Variants in ANKS1B observed in about 807,000 individuals in gnomAD.
ANKS1B encodes the protein ankyrin repeat and sterile alpha motif domain-containing protein 1B.
Under a neutral mutation model 148.3 loss-of-function variants are expected in ANKS1B, and 36 were observed. That is an observed-to-expected ratio of 0.24 (90% CI 0.19 to 0.32). The LOEUF (loss-of-function observed/expected upper bound fraction) is 0.32. ANKS1B is among the 10% of genes least tolerant of loss of function. The probability of loss-of-function intolerance (pLI) is 1.00; values close to 1 mark genes in which losing one functional copy is unlikely to be tolerated. For synonymous variants in ANKS1B, 542 were observed against 560.8 expected (o/e 0.97, Z 0.47); for missense variants, 1,157 against 1,542.6 (o/e 0.75, Z 4.19).
At chr12:99,440,536 T>C (rs1270638542) in intron 11 of ANKS1B, among the ~76,000 whole-genome samples, 3 of 151,862 alleles carry the variant, frequency 2.0e-5, no homozygotes, top group Non-Finnish European at 4.4e-5. Flanking sequence ...GAATTTGAAA[T>C]AGATTGCTTC....
At chr12:99,122,130 G>A (rs2063058215) in intron 15 of ANKS1B, among the ~76,000 whole-genome samples, 1 of 152,042 alleles carries the variant, frequency 6.6e-6, no homozygotes, top group African/African-American at 2.4e-5. Flanking sequence ...TTAAGCCTTA[G>A]GCAAAATGGG....
At chr12:99,601,507 T>A (rs1212755124) in intron 9 of ANKS1B, among the ~76,000 whole-genome samples, 1 of 152,122 alleles carries the variant, frequency 6.6e-6, no homozygotes, top group African/African-American at 2.4e-5. Context: ...TTTTGTGCTA[T>A]TTTGCATATA....
intron 12 of ANKS1B, among the ~76,000 whole-genome samples, chr12:99,368,977 C>T (rs192404563): frequency 6.6e-6 from 1 of 152,314 alleles, no homozygotes; most frequent in East Asian, 1.9e-4. Flanking sequence ...CTGTTCCCAT[C>T]AAGGATCATC....
At chr12:99,237,491 G>A (rs1368198092) in intron 14 of ANKS1B, among the ~76,000 whole-genome samples, 1 of 152,140 alleles carries the variant, frequency 6.6e-6, no homozygotes. Flanking sequence ...AACTTTAGTT[G>A]TAAGGAAGAA....
intron 1 of ANKS1B, among the ~76,000 whole-genome samples, chr12:99,889,036 T>C (rs910198585): frequency 1.3e-4 from 19 of 150,744 alleles, no homozygotes; most frequent in African/African-American, 4.7e-4. Context: ...ATTTATGTAC[T>C]TATTAAAAAG....
chr12:98,880,053 A>G (rs1160381412), intron 17 of ANKS1B, among the ~76,000 whole-genome samples: 1 of 152,248 alleles, frequency 6.6e-6, no homozygotes, highest in Non-Finnish European at 1.5e-5. Context: ...GATACAAAAC[A>G]GAACTATCTC....
intron 9 of ANKS1B, among the ~76,000 whole-genome samples, chr12:99,629,291 C>G (rs998448556): frequency 1.3e-5 from 2 of 152,212 alleles, no homozygotes; most frequent in Non-Finnish European, 2.9e-5. Context: ...AAAACTGTAG[C>G]CTCATTAAAC....
chr12:99,554,884 G>T (rs951514551), intron 9 of ANKS1B, among the ~76,000 whole-genome samples: 2 of 151,998 alleles, frequency 1.3e-5, no homozygotes, highest in African/African-American at 4.8e-5. Flanking sequence ...AGTATCTGTT[G>T]TTCCCTTCTT....
chr12:99,316,962 G>A (rs536094406), intron 12 of ANKS1B, among the ~76,000 whole-genome samples: 1 of 152,168 alleles, frequency 6.6e-6, no homozygotes, highest in African/African-American at 2.4e-5. Flanking sequence ...TCAGGTTTGT[G>A]AAAGATCAGA....
intron 12 of ANKS1B, among the ~76,000 whole-genome samples, chr12:99,326,999 T>C (rs1310823353): frequency 7.2e-6 from 1 of 138,966 alleles, no homozygotes; most frequent in African/African-American, 2.7e-5. Context: ...TAATATATAA[T>C]ACATAATTTA....
At chr12:99,150,592 C>A (rs187076635) in intron 15 of ANKS1B, among the ~76,000 whole-genome samples, 6 of 152,000 alleles carry the variant, frequency 3.9e-5, no homozygotes, top group Non-Finnish European at 1.5e-5. Flanking sequence ...AGAATAGATT[C>A]TTTGGGACTT....
At position 98,807,892 on chromosome 12, in the gene ANKS1B, C is replaced by T. The variant is rs867368968; in HGVS notation, c.3093G>A (p.Thr1031=). Residue 1031 remains threonine (T), a synonymous_variant, in exon 20 of 27, where the codon ACG becomes ACA. Coordinates refer to ENST00000683438, the MANE Select transcript of ANKS1B (RefSeq NM_001352186.2). ...AGAAAGGAAATCCTGCGTTCTGATT[C>T]GTCCATATTTCACAGACAGACGACT... ...AQQSSVCEIW[T]NQNAGFPFSA... 12 of 1,613,102 alleles carry T rather than the reference C, an allele frequency of 7.4e-6. No individual in the cohort carries two copies. Among genetic ancestry groups the T allele is most frequent in the African/African-American group, 1.3e-5 (1 of 74,860 alleles).
At chr12:99,746,995 C>T (rs942149701) in intron 8 of ANKS1B, among the ~76,000 whole-genome samples, 12 of 152,018 alleles carry the variant, frequency 7.9e-5, no homozygotes, top group African/African-American at 2.9e-4. Context: ...GGGAGTCATG[C>T]TATATAATCT....
At chr12:98,988,554 G>A (rs953303491) in intron 17 of ANKS1B, among the ~76,000 whole-genome samples, 2 of 152,012 alleles carry the variant, frequency 1.3e-5, no homozygotes, top group African/African-American at 2.4e-5. Flanking sequence ...GAATACTGCT[G>A]CAATGAACAC....
intron 1 of ANKS1B, among the ~76,000 whole-genome samples, chr12:99,942,961 C>T (rs1370470197): frequency 6.6e-6 from 1 of 152,114 alleles, no homozygotes; most frequent in Admixed American, 6.6e-5. Context: ...CGAATGACCA[C>T]ACAACCTAAG....
At chr12:99,313,494 T>G (rs2083493970) in intron 12 of ANKS1B, among the ~76,000 whole-genome samples, 1 of 152,178 alleles carries the variant, frequency 6.6e-6, no homozygotes. Context: ...ACATCCCTGA[T>G]GAAGATCAAT....
chr12:99,153,054 C>T (rs1041218471), intron 15 of ANKS1B, among the ~76,000 whole-genome samples: 7 of 152,092 alleles, frequency 4.6e-5, no homozygotes, highest in African/African-American at 1.7e-4. Context: ...ACAAATCACT[C>T]ATAAAGCATT....
Position 99,235,456 on chromosome 12 carries a change from A to C in ANKS1B, c.2419+8886T>G, listed in dbSNP as rs545236190. Among the ~76,000 whole-genome samples, 9 of 152,306 alleles carry C rather than the reference A, an allele frequency of 5.9e-5. No homozygotes were observed. The East Asian group carries it at 1.7e-3, about 29-fold the overall frequency. On this transcript the variant is annotated intron_variant, in intron 14 of 26. Coordinates refer to ENST00000683438, the MANE Select transcript of ANKS1B (RefSeq NM_001352186.2). ...AATAAAGATAGAATGAGTAAAGTTG[A>C]TAAGAAAAGAAATTCTTACCTTCAC... is the stretch of plus-strand genomic sequence containing the variant.
At chr12:98,735,305 CTT>C (rs1405965394) in exon 10 of ANKS1B, 5 of 402,476 alleles carry the variant, frequency 1.2e-5, no homozygotes, top group African/African-American at 4.1e-5. Flanking sequence ...TTATATGTCT[CTT>C]GTATGTTTTG....
Sources: allele counts gnomAD v4.1 joint callset (sites outside exome capture counted in the v4.1 genomes callset), GRCh38; gene constraint gnomAD v4.1.1; transcripts MANE v1.5; gene names NCBI Gene and HGNC (gene_info 2026-07-23, HGNC 2026-07-21).